The following FANCM variants were observed in gnomAD, a reference collection of about 807,000 sequenced individuals.
FANCM encodes the protein Fanconi anemia group M protein.
In FANCM, 140 loss-of-function variants were observed where a neutral mutation model predicts 199.5. The observed-to-expected ratio is 0.70, with a 90% CI of 0.61 to 0.81. The LOEUF (loss-of-function observed/expected upper bound fraction) is 0.81. Ranked by LOEUF, FANCM falls within the 30% of genes least tolerant of loss-of-function variation. The pLI is 0.00. For missense variants in FANCM, 2,410 were observed against 2,421.4 expected (o/e 1.00, Z 0.10); for synonymous variants, 840 against 836.8 (o/e 1.00, Z -0.07).
At chr14:45,183,024 A>G (rs1032361075) in intron 16 of FANCM, among the ~76,000 whole-genome samples, 1 of 152,168 alleles carries the variant, frequency 6.6e-6, no homozygotes, top group Non-Finnish European at 1.5e-5. Context: ...TCACTTTTGC[A>G]CTATGGAGAG....
At chr14:45,149,190 G>A (rs1886644725) in intron 4 of FANCM, among the ~76,000 whole-genome samples, 195 bp downstream of exon 4, 1 of 152,050 alleles carries the variant, frequency 6.6e-6, no homozygotes, top group African/African-American at 2.4e-5. Flanking sequence ...TATTGAAAGG[G>A]AAAATACAAA....
chr14:45,181,853 C>T, intron 16 of FANCM, 148 bp downstream of exon 16: 1 of 634,512 alleles, frequency 1.6e-6, no homozygotes, highest in African/African-American at 1.8e-5. Context: ...TTTCTAGCTT[C>T]TGTTAGTTTT....
intron 8 of FANCM, among the ~76,000 whole-genome samples, chr14:45,156,278 T>C (rs182022587): frequency 6.6e-6 from 1 of 152,272 alleles, no homozygotes; most frequent in East Asian, 1.9e-4. Flanking sequence ...TGTGGTTAGA[T>C]TGAGGCTACA....
At chr14:45,141,162 C>G (rs1159525838) in intron 3 of FANCM, among the ~76,000 whole-genome samples, 1 of 151,482 alleles carries the variant, frequency 6.6e-6, no homozygotes, top group Non-Finnish European at 1.5e-5. Context: ...GTGGTGGGCA[C>G]CTGTAGTCCC....
chr14:45,174,385 TAA>T (rs768269491), intron 13 of FANCM, among the ~76,000 whole-genome samples: 3 of 127,720 alleles, frequency 2.3e-5, no homozygotes, highest in Admixed American at 8.0e-5. Context: ...AGACTTTGTC[TAA>T]AAAAAAAAAA....
At chr14:45,150,663 C>A (rs1187807092) in intron 4 of FANCM, among the ~76,000 whole-genome samples, 1 of 152,174 alleles carries the variant, frequency 6.6e-6, no homozygotes, top group Non-Finnish European at 1.5e-5. Context: ...CTCAAATGTT[C>A]TCTTCTCAAA....
At chr14:45,136,939 C>T in intron 1 of FANCM, 130 bp from the exon 2 acceptor site, 5 of 767,328 alleles carry the variant, frequency 6.5e-6, no homozygotes, top group African/African-American at 1.7e-5. Context: ...TGTAGCATTC[C>T]GATGAATTGT....
In FANCM at chr14:45,189,588, A is replaced by G. The variant is rs17115885; in HGVS notation, c.5340+226A>G. On this transcript the variant is annotated intron_variant, in intron 20 of 22. Transcript: ENST00000267430. ...AATATGTTAATGTTTTGTTAACACT[A>G]TGTAAGGAAACTTGATAATTTTATT... Among the ~76,000 whole-genome samples the G allele has an allele frequency of 0.053, 8,067 of 152,256 alleles. 736 individuals carry two copies. Among genetic ancestry groups the G allele is most frequent in the African/African-American group, 0.18 (7,586 of 41,508 alleles).
chr14:45,195,042 G>A (rs555327642), intron 20 of FANCM, among the ~76,000 whole-genome samples: 2 of 152,148 alleles, frequency 1.3e-5, no homozygotes, highest in East Asian at 3.9e-4. Flanking sequence ...AGCCACCGCT[G>A]TATCATATTT....
chr14:45,149,110 T>A (rs1272324426), intron 4 of FANCM, 115 bp downstream of exon 4: 24 of 944,030 alleles, frequency 2.5e-5, no homozygotes, highest in Admixed American at 5.1e-5. Context: ...ATAATTGATA[T>A]GTTGAAAAAA....
rs942466979 is a variant in FANCM, at chr14:45,175,283, T to A, written c.2529T>A (p.Thr843=). 6.3e-7 allele frequency: 1 copy of A among 1,596,888 alleles called. No individual in the cohort carries two copies. Among genetic ancestry groups the A allele is most frequent in the Non-Finnish European group, 8.5e-7 (1 of 1,172,714 alleles). The change falls in exon 14 of 23, where the codon ACT becomes ACA. Residue 843 remains threonine, a synonymous_variant. Coordinates refer to ENST00000267430, the MANE Select transcript of FANCM (RefSeq NM_020937.4). ...AATGTGCTGAAATTGTTAAACAAAC[T>A]CATATCAAACCTACTAAAATTGTTT... is the stretch of plus-strand genomic sequence containing the variant. ...DEECAEIVKQ[T]HIKPTKIVSL...
intron 4 of FANCM, among the ~76,000 whole-genome samples, chr14:45,149,933 GCAACCCCA>G (rs1406217883): frequency 6.6e-6 from 1 of 152,078 alleles, no homozygotes; most frequent in African/African-American, 2.4e-5. Flanking sequence ...GGATAGGACA[GCAACCCCA>G]CAACAAAGAA....
intron 5 of FANCM, among the ~76,000 whole-genome samples, chr14:45,152,131 C>G (rs776444730): frequency 6.6e-6 from 1 of 151,452 alleles, no homozygotes; most frequent in Non-Finnish European, 1.5e-5. Context: ...CAGGTTCAAG[C>G]AAGTCTTGTG....
chr14:45,185,598 T>C (rs1312515067), intron 18 of FANCM, among the ~76,000 whole-genome samples: 2 of 152,202 alleles, frequency 1.3e-5, no homozygotes, highest in African/African-American at 2.4e-5. Context: ...CAGATTGACC[T>C]GGGTTGCTCA....
In FANCM at chr14:45,162,519, A is replaced by T. The variant is rs559341780; in HGVS notation, c.1582-1840A>T. 1.2e-4 allele frequency among the ~76,000 whole-genome samples: 19 copies of T among 152,344 alleles called. No individual in the cohort carries two copies. In the South Asian group the frequency reaches 3.9e-3, roughly 32 times the overall value. On this transcript the variant is annotated intron_variant, in intron 9 of 22. Transcript: ENST00000267430. ...AAAATATTACTAGAGTCAGCCAACA[A>T]AATTACTCTGTCAAGTGTCTAAACC...
At position 45,164,382 on chromosome 14, in the gene FANCM, T is replaced by C. The variant is rs1315139068; in HGVS notation, c.1605T>C (p.Gly535=). 1.9e-6 allele frequency: 3 copies of C among 1,612,950 alleles called. No individual in the cohort carries two copies. Residue 535 remains glycine, a synonymous_variant, in exon 10 of 23, where the codon GGT becomes GGC. Coordinates refer to ENST00000267430, the MANE Select transcript of FANCM (RefSeq NM_020937.4). ...AGGTAGTGAAACAGTTTCGTGACGGTGGTTACAACACGCTGGTTTCTACCT... is the reference window on the plus strand; with the variant it reads ...AGGTAGTGAAACAGTTTCGTGACGGCGGTTACAACACGCTGGTTTCTACCT... ...QLEVVKQFRD[G]GYNTLVSTCV...
At chr14:45,153,808 T>C (rs1463107642) in intron 5 of FANCM, 112 bp from the exon 6 acceptor site, 4 of 846,748 alleles carry the variant, frequency 4.7e-6, no homozygotes, top group Admixed American at 3.4e-5. Context: ...ATGATTATGA[T>C]CATTTGGATT....
At chr14:45,197,911 G>A (rs372288026) in intron 21 of FANCM, among the ~76,000 whole-genome samples, 10 of 151,968 alleles carry the variant, frequency 6.6e-5, no homozygotes, top group South Asian at 4.2e-4. Context: ...CTACAGGTGC[G>A]TGCCACCATG....
At chr14:45,159,930 CTT>C (rs1360240125) in intron 9 of FANCM, among the ~76,000 whole-genome samples, 2 of 149,322 alleles carry the variant, frequency 1.3e-5, no homozygotes, top group African/African-American at 4.9e-5. Flanking sequence ...TTAGATATCT[CTT>C]TAATTTCTAA....
Sources: gnomAD v4.1 joint callset for allele counts (sites outside exome capture counted in the v4.1 genomes callset) on GRCh38, gnomAD v4.1.1 for gene constraint, MANE v1.5 for transcripts, NCBI Gene and HGNC (gene_info 2026-07-23, HGNC 2026-07-21) for gene names.